The following CCDC178 variants were observed in gnomAD, a reference collection of about 807,000 sequenced individuals.
CCDC178 encodes coiled-coil domain-containing protein 178.
CCDC178 carries 126 observed loss-of-function variants against 117.4 expected under a neutral mutation model. The observed-to-expected ratio is 1.07, with a 90% CI of 0.93 to 1.24. The LOEUF (loss-of-function observed/expected upper bound fraction) is 1.24, where lower values mean the gene tolerates loss of function less well. Among genes scored for constraint, CCDC178 ranks in the 50% most tolerant of loss-of-function variants. CCDC178 has a pLI of 0.00. For synonymous variants in CCDC178, 283 were observed against 313.4 expected (o/e 0.90, Z 1.02); for missense variants, 1,030 against 986.9 (o/e 1.04, Z -0.59).
At chr18:33,080,677 A>G (rs1328742654) in intron 21 of CCDC178, among the ~76,000 whole-genome samples, 1 of 152,142 alleles carries the variant, frequency 6.6e-6, no homozygotes, top group Non-Finnish European at 1.5e-5. Flanking sequence ...GCAAACTAAT[A>G]CAGTAGTTTT....
chr18:33,394,906 C>A (rs2063610120), intron 4 of CCDC178, among the ~76,000 whole-genome samples: 1 of 125,428 alleles, frequency 8.0e-6, no homozygotes, highest in Non-Finnish European at 1.6e-5. Context: ...ATCTACTTTT[C>A]CACTGAAAAT....
chr18:32,945,790 C>T (rs182592396), intron 22 of CCDC178, among the ~76,000 whole-genome samples: 6 of 152,004 alleles, frequency 3.9e-5, no homozygotes, highest in South Asian at 2.1e-4. Flanking sequence ...CATGCAGAGA[C>T]GACTATAACT....
intron 20 of CCDC178, among the ~76,000 whole-genome samples, chr18:33,104,703 C>T (rs202078254): frequency 9.2e-5 from 14 of 151,600 alleles, no homozygotes; most frequent in East Asian, 5.8e-4. Context: ...TCAGGTAGTA[C>T]GATGGAAGGA....
chr18:33,135,413 T>A (rs1230759362), intron 20 of CCDC178, among the ~76,000 whole-genome samples: 1 of 152,150 alleles, frequency 6.6e-6, no homozygotes, highest in Non-Finnish European at 1.5e-5. Context: ...TTTTTAAGTA[T>A]CATGCAGCAA....
chr18:32,967,149 A>T (rs113625518), intron 22 of CCDC178, among the ~76,000 whole-genome samples: 1 of 151,788 alleles, frequency 6.6e-6, no homozygotes, highest in African/African-American at 2.4e-5. Context: ...TTCTCCCTTA[A>T]TCTGTGTTTA....
At chr18:32,970,907 A>G (rs1048426247) in intron 22 of CCDC178, among the ~76,000 whole-genome samples, 2 of 152,098 alleles carry the variant, frequency 1.3e-5, no homozygotes, top group African/African-American at 2.4e-5. Context: ...AATTTAATTC[A>G]TCTTGCACAG....
chr18:33,315,574 A>G (rs1599148361), intron 11 of CCDC178, among the ~76,000 whole-genome samples: 1 of 152,180 alleles, frequency 6.6e-6, no homozygotes, highest in African/African-American at 2.4e-5. Flanking sequence ...ATAAAAAGGT[A>G]GGCTTATACC....
chr18:32,982,207 T>C (rs1019076952), intron 21 of CCDC178, among the ~76,000 whole-genome samples: 8 of 152,118 alleles, frequency 5.3e-5, no homozygotes, highest in African/African-American at 1.9e-4. Flanking sequence ...TTTAACTGGC[T>C]TTTGCAATTT....
At chr18:33,162,181 G>T (rs907167297) in intron 20 of CCDC178, among the ~76,000 whole-genome samples, 4 of 152,150 alleles carry the variant, frequency 2.6e-5, no homozygotes, top group African/African-American at 9.7e-5. Flanking sequence ...GGGGCCTATT[G>T]TGGGGTGAGG....
intron 2 of CCDC178, among the ~76,000 whole-genome samples, chr18:33,433,801 T>TGC (rs1283153888): frequency 6.6e-6 from 1 of 151,512 alleles, no homozygotes; most frequent in Non-Finnish European, 1.5e-5. Flanking sequence ...TGTGTGTGTG[T>TGC]GTGTGTGTGT....
In CCDC178 at chr18:33,389,593, G is replaced by T. The variant is rs1270322364; in HGVS notation, c.155C>A (p.Ala52Asp). The change falls in exon 5 of 23, where the codon GCC (alanine) becomes GAC (aspartate). Residue 52 changes from alanine (A) to aspartate (D), a missense_variant. Transcript: ENST00000383096. ...AAAACCTTCACTGTTCTCCTTAGAG[G>T]CTCCATATAGAACCAAACTTTGAGA... is the stretch of plus-strand genomic sequence containing the variant. ...AMSQSLVLYG[A>D]SKENSEGFHE... 8 of 1,523,640 alleles carry T rather than the reference G, an allele frequency of 5.3e-6. No individual in the cohort carries two copies. Among genetic ancestry groups the T allele is most frequent in the Non-Finnish European group, 7.0e-6 (8 of 1,137,868 alleles). 94.4% of individuals were successfully genotyped at this position (1,523,640 alleles called of 1,614,324 possible).
At chr18:33,331,026 CTTTTTTTTT>C (rs67153629) in intron 10 of CCDC178, among the ~76,000 whole-genome samples, 28 of 45,056 alleles carry the variant, frequency 6.2e-4, no homozygotes, top group African/African-American at 2.5e-3. Flanking sequence ...ACAAACATTG[CTTTTTTTTT>C]TTTTTTTTTT....
chr18:33,078,493 TC>T (rs1442923894), intron 21 of CCDC178, among the ~76,000 whole-genome samples: 1 of 152,106 alleles, frequency 6.6e-6, no homozygotes, highest in African/African-American at 2.4e-5. Flanking sequence ...AGTCAAACTA[TC>T]CCTGTTTGCA....
intron 2 of CCDC178, among the ~76,000 whole-genome samples, chr18:33,416,433 A>G (rs891660238): frequency 4.6e-5 from 7 of 151,944 alleles, no homozygotes; most frequent in Admixed American, 1.3e-4. Flanking sequence ...TCTCGAAAAA[A>G]AAAAAAAGAA....
intron 22 of CCDC178, among the ~76,000 whole-genome samples, chr18:32,972,210 G>A (rs2054941702): frequency 6.6e-6 from 1 of 152,114 alleles, no homozygotes; most frequent in Non-Finnish European, 1.5e-5. Context: ...GTGTAAGGAA[G>A]GGGTCCAGTT....
At chr18:33,175,604 T>C (rs1340319562) in intron 20 of CCDC178, among the ~76,000 whole-genome samples, 1 of 152,190 alleles carries the variant, frequency 6.6e-6, no homozygotes, top group Non-Finnish European at 1.5e-5. Context: ...CTTTGTTGGT[T>C]TCTATCTGAA....
intron 21 of CCDC178, among the ~76,000 whole-genome samples, chr18:32,977,536 A>G (rs2055053112): frequency 6.6e-6 from 1 of 152,186 alleles, no homozygotes; most frequent in Non-Finnish European, 1.5e-5. Context: ...GGAATTTTTA[A>G]GACAACAACA....
chr18:33,383,350 A>G (rs1382718039), intron 5 of CCDC178, among the ~76,000 whole-genome samples: 1 of 151,872 alleles, frequency 6.6e-6, no homozygotes, highest in Non-Finnish European at 1.5e-5. Flanking sequence ...CCCCAACATA[A>G]TGCACCAGCT....
intron 21 of CCDC178, among the ~76,000 whole-genome samples, chr18:32,994,920 T>C (rs12963070): frequency 6.6e-6 from 1 of 152,228 alleles, no homozygotes; most frequent in Non-Finnish European, 1.5e-5. Context: ...GGTGACTAAA[T>C]CATGGTTTCA....
Sources: gnomAD v4.1 joint callset for allele counts (sites outside exome capture counted in the v4.1 genomes callset) on GRCh38, gnomAD v4.1.1 for gene constraint, MANE v1.5 for transcripts, NCBI Gene and HGNC (gene_info 2026-07-23, HGNC 2026-07-21) for gene names.